Variants in RAP1A observed in about 807,000 individuals in gnomAD.
The protein encoded by RAP1A is ras-related protein Rap-1A.
A neutral mutation model predicts 26.4 loss-of-function variants in RAP1A; 6 were observed. The observed-to-expected ratio is 0.23, with a 90% CI of 0.12 to 0.45. The LOEUF (loss-of-function observed/expected upper bound fraction) is 0.45, where lower values mean the gene tolerates loss of function less well. Ranked by LOEUF, RAP1A falls within the 20% of genes least tolerant of loss-of-function variation. The pLI is 0.99. For missense variants in RAP1A, 121 were observed against 217.2 expected, an observed-to-expected ratio of 0.56 and a Z score of 2.78; for synonymous variants, 73 against 79.4, an observed-to-expected ratio of 0.92 and a Z score of 0.43.
intron 1 of RAP1A, among the ~76,000 whole-genome samples, chr1:111,565,911 A>G (rs1385816030): frequency 6.6e-6 from 1 of 152,156 alleles, no homozygotes; most frequent in Non-Finnish European, 1.5e-5. Flanking sequence ...GGAAGAGACA[A>G]ACCAGGGATG....
At chr1:111,587,462 T>C (rs755295603) in intron 1 of RAP1A, among the ~76,000 whole-genome samples, 3 of 152,152 alleles carry the variant, frequency 2.0e-5, no homozygotes, top group Non-Finnish European at 4.4e-5. Context: ...TCAAAACTAA[T>C]CCCTCCATCT....
At chr1:111,542,041 G>GGAATACTT (rs1363267220), upstream of RAP1A, among the ~76,000 whole-genome samples, 1 of 151,614 alleles carries the variant, frequency 6.6e-6, no homozygotes. Context: ...TCTTTAAAGA[G>GGAATACTT]GAATACCTCT....
chr1:111,690,792 C>A (rs1464796345), intron 1 of RAP1A, among the ~76,000 whole-genome samples: 1 of 152,146 alleles, frequency 6.6e-6, no homozygotes, highest in Non-Finnish European at 1.5e-5. Flanking sequence ...TTGCTAATAA[C>A]TGCCTATAGT....
At chr1:111,647,172 A>T (rs1298993570) in intron 1 of RAP1A, among the ~76,000 whole-genome samples, 2 of 152,014 alleles carry the variant, frequency 1.3e-5, no homozygotes, top group African/African-American at 2.4e-5. Flanking sequence ...TAGTGGCATT[A>T]GATTCTCATA....
At chr1:111,662,414 A>T (rs2101160317) in intron 1 of RAP1A, among the ~76,000 whole-genome samples, 1 of 147,498 alleles carries the variant, frequency 6.8e-6, no homozygotes, top group Non-Finnish European at 1.5e-5. Flanking sequence ...AAAAAAAAAA[A>T]AAAATTAACT....
At chr1:111,600,271 C>T (rs1299745117) in intron 1 of RAP1A, among the ~76,000 whole-genome samples, 1 of 152,224 alleles carries the variant, frequency 6.6e-6, no homozygotes, top group Non-Finnish European at 1.5e-5. Context: ...TTGCAGAGGC[C>T]TCGCCTGGCC....
At chr1:111,551,957 C>T (rs1165573488) in intron 1 of RAP1A, among the ~76,000 whole-genome samples, 3 of 152,142 alleles carry the variant, frequency 2.0e-5, no homozygotes, top group Non-Finnish European at 2.9e-5. Flanking sequence ...ATGCACCTGG[C>T]CTTCTAAATT....
chr1:111,580,530 A>G (rs1013584095), intron 1 of RAP1A, among the ~76,000 whole-genome samples: 7 of 152,348 alleles, frequency 4.6e-5, no homozygotes, highest in Middle Eastern at 6.8e-3. Context: ...GTGCCCCAGA[A>G]AGACAGAAGA....
chr1:111,619,856 G>A lies in RAP1A; in HGVS notation c.-106G>A. The A allele has an allele frequency of 2.5e-6, 1 of 393,930 alleles. No individual in the cohort carries two copies. Among genetic ancestry groups the A allele is most frequent in the Non-Finnish European group, 4.5e-6 (1 of 224,256 alleles). The allele number at this position is 393,930 out of a possible 1,614,324, so 24.4% of individuals were successfully genotyped here. On this transcript the variant is annotated 5_prime_UTR_variant, in exon 1 of 8. Coordinates refer to ENST00000369709, the MANE Select transcript of RAP1A (RefSeq NM_002884.4). The stretch of plus-strand genomic sequence containing the variant: ...GTCGCCGCGCAGAGCCGGAGCAGGA[G>A]CCACGGCCGAGAGGAGGGAGGAGGA...
intron 1 of RAP1A, among the ~76,000 whole-genome samples, chr1:111,671,168 G>C (rs1660963201): frequency 1.3e-5 from 2 of 152,128 alleles, no homozygotes; most frequent in Non-Finnish European, 2.9e-5. Context: ...AGGCTGGCTG[G>C]AGTACAGTGG....
At chr1:111,691,927 A>G (rs989162347) in intron 2 of RAP1A, among the ~76,000 whole-genome samples, 1 of 152,226 alleles carries the variant, frequency 6.6e-6, no homozygotes, top group African/African-American at 2.4e-5. Flanking sequence ...GAGGAGATGT[A>G]ATAAATACAC....
chr1:111,646,634 G>A (rs1349890584), intron 1 of RAP1A, among the ~76,000 whole-genome samples: 3 of 151,738 alleles, frequency 2.0e-5, no homozygotes, highest in Non-Finnish European at 2.9e-5. Context: ...TCCACCTCCC[G>A]GGTTCACGCC....
intron 1 of RAP1A, among the ~76,000 whole-genome samples, chr1:111,597,704 T>C (rs939594071): frequency 6.6e-6 from 1 of 152,150 alleles, no homozygotes; most frequent in South Asian, 2.1e-4. Flanking sequence ...GCAATTTTCA[T>C]AAAGAAAGGG....
chr1:111,544,019 G>A (rs1057200737), intron 1 of RAP1A, among the ~76,000 whole-genome samples: 1 of 152,136 alleles, frequency 6.6e-6, no homozygotes, highest in African/African-American at 2.4e-5. Flanking sequence ...GCATCTATTG[G>A]AAGTCATAGT....
chr1:111,628,317 GA>G (rs919455800), intron 1 of RAP1A, among the ~76,000 whole-genome samples: 2 of 152,220 alleles, frequency 1.3e-5, no homozygotes, highest in Non-Finnish European at 2.9e-5. Context: ...AGCAGGAGGG[GA>G]ATGGTGGACA....
chr1:111,678,136 TAA>T (rs150927642), intron 1 of RAP1A, among the ~76,000 whole-genome samples: 2,011 of 152,312 alleles, frequency 0.013, 42 homozygotes, highest in African/African-American at 0.045. Flanking sequence ...CATTTTCATA[TAA>T]GTTTTAAAGT....
chr1:111,678,337 G>A (rs950009341), intron 1 of RAP1A, among the ~76,000 whole-genome samples: 6 of 152,146 alleles, frequency 3.9e-5, no homozygotes, highest in African/African-American at 1.4e-4. Flanking sequence ...TTTGCTAAAT[G>A]TATCTCTAAG....
At chr1:111,567,812 G>C (rs962781984) in intron 1 of RAP1A, among the ~76,000 whole-genome samples, 1 of 152,218 alleles carries the variant, frequency 6.6e-6, no homozygotes, top group East Asian at 1.9e-4. Flanking sequence ...TGTAAGCCAG[G>C]AAGAGAGTCC....
intron 1 of RAP1A, among the ~76,000 whole-genome samples, chr1:111,644,479 G>A (rs185958510): frequency 6.6e-6 from 1 of 152,236 alleles, no homozygotes; most frequent in Non-Finnish European, 1.5e-5. Context: ...GGTGTAGGCT[G>A]AGTTTAGGTC....
Sources: gnomAD v4.1 joint callset for allele counts (sites outside exome capture counted in the v4.1 genomes callset) on GRCh38, gnomAD v4.1.1 for gene constraint, MANE v1.5 for transcripts, NCBI Gene and HGNC (gene_info 2026-07-23, HGNC 2026-07-21) for gene names.